The following DSCAML1 variants were observed in gnomAD, a reference collection of about 807,000 sequenced individuals.
DSCAML1 encodes DS cell adhesion molecule like 1.
A neutral mutation model predicts 200.5 loss-of-function variants in DSCAML1; 38 were observed. The observed-to-expected ratio is 0.19, with a 90% CI of 0.15 to 0.25. The LOEUF (loss-of-function observed/expected upper bound fraction) is 0.25. Among genes scored for constraint, DSCAML1 ranks in the 10% least tolerant of loss-of-function variants. DSCAML1 has a pLI of 1.00. For missense variants in DSCAML1, 2,223 were observed against 2,858.8 expected (o/e 0.78, Z 5.07); for synonymous variants, 1,215 against 1,165.0 (o/e 1.04, Z -0.87).
intron 3 of DSCAML1, among the ~76,000 whole-genome samples, chr11:117,549,354 G>T (rs192358521): frequency 1.3e-5 from 2 of 152,196 alleles, no homozygotes; most frequent in African/African-American, 2.4e-5. Flanking sequence ...CAACACCTTC[G>T]AGATGGTGCT....
chr11:117,769,209 T>C (rs1463871873), intron 3 of DSCAML1, among the ~76,000 whole-genome samples: 327 of 22,996 alleles, frequency 0.014, 1 homozygote, highest in Admixed American at 0.037. Context: ...ATATATTATA[T>C]ATTTTATATA....
chr11:117,590,391 C>T (rs2051236528), intron 3 of DSCAML1, among the ~76,000 whole-genome samples: 1 of 151,248 alleles, frequency 6.6e-6, no homozygotes, highest in Non-Finnish European at 1.5e-5. Context: ...AAAACTTGTC[C>T]ATGCACCACC....
At chr11:117,653,559 T>C (rs2052674313) in intron 3 of DSCAML1, among the ~76,000 whole-genome samples, 1 of 152,102 alleles carries the variant, frequency 6.6e-6, no homozygotes, top group South Asian at 2.1e-4. Flanking sequence ...AGAGGACCAA[T>C]GTGGGAGAGG....
intron 1 of DSCAML1, among the ~76,000 whole-genome samples, chr11:117,785,856 G>T (rs1357893792): frequency 6.6e-6 from 1 of 152,126 alleles, no homozygotes; most frequent in East Asian, 1.9e-4. Flanking sequence ...TCATTTTAAG[G>T]GTGAGGAAAA....
intron 1 of DSCAML1, among the ~76,000 whole-genome samples, chr11:117,813,520 A>G (rs1305295659): frequency 6.6e-6 from 1 of 152,230 alleles, no homozygotes; most frequent in African/African-American, 2.4e-5. Context: ...TGGCAGGACT[A>G]TGCTGAATCT....
At chr11:117,478,902 C>T (rs664657) in intron 14 of DSCAML1, among the ~76,000 whole-genome samples, 9,261 of 152,280 alleles carry the variant, frequency 0.061, 420 homozygotes, top group East Asian at 0.11. Context: ...TGTAGCCCTC[C>T]TGCACTCAGA....
chr11:117,722,381 G>C (rs1007314877), intron 3 of DSCAML1, among the ~76,000 whole-genome samples: 1 of 151,996 alleles, frequency 6.6e-6, no homozygotes, highest in Non-Finnish European at 1.5e-5. Flanking sequence ...GGAAAGATAA[G>C]GGGGAGGGGA....
Position 117,428,178 on chromosome 11 carries a change from T to G in DSCAML1, c.*150A>C, listed in dbSNP as rs540826204. On this transcript the variant is annotated 3_prime_UTR_variant, in exon 33 of 33. Coordinates refer to ENST00000651296, the MANE Select transcript of DSCAML1 (RefSeq NM_020693.4). Reference sequence around the variant, plus strand: ...GTTTCATTTGTACAAAAGAGTTCTATGTACAGGCGTTCATGATTGGGGGTT... The same window carrying G: ...GTTTCATTTGTACAAAAGAGTTCTAGGTACAGGCGTTCATGATTGGGGGTT... 4.3e-5 allele frequency: 26 copies of G among 599,618 alleles called. No homozygotes were observed. Among genetic ancestry groups the G allele is most frequent in the Non-Finnish European group, 7.2e-5 (24 of 334,090 alleles). 37.1% of individuals were successfully genotyped at this position (599,618 alleles called of 1,614,324 possible).
chr11:117,564,495 C>G (rs1273552841), intron 3 of DSCAML1, among the ~76,000 whole-genome samples: 1 of 152,192 alleles, frequency 6.6e-6, no homozygotes, highest in Non-Finnish European at 1.5e-5. Flanking sequence ...TGCAGCTGCT[C>G]TGGCTTCTTT....
intron 14 of DSCAML1, among the ~76,000 whole-genome samples, chr11:117,472,412 G>A (rs1335870078): frequency 6.6e-6 from 1 of 152,192 alleles, no homozygotes; most frequent in Admixed American, 6.5e-5. Flanking sequence ...GTCTAACAGT[G>A]AGACACCCCA....
intron 3 of DSCAML1, among the ~76,000 whole-genome samples, chr11:117,735,832 T>C (rs888860432): frequency 4.6e-5 from 7 of 152,068 alleles, no homozygotes; most frequent in African/African-American, 7.3e-5. Context: ...CCAGGGCTCC[T>C]GGAAAGGGGC....
chr11:117,803,340 A>G (rs1047743437), intron 1 of DSCAML1, among the ~76,000 whole-genome samples: 1 of 152,192 alleles, frequency 6.6e-6, no homozygotes. Context: ...AGCTGTGAGC[A>G]GAAGTAACGT....
intron 15 of DSCAML1, among the ~76,000 whole-genome samples, chr11:117,470,596 G>T (rs2048666963): frequency 6.6e-6 from 1 of 152,202 alleles, no homozygotes; most frequent in Admixed American, 6.5e-5. Flanking sequence ...AAAGGTAGAA[G>T]TATTTGCCTG....
intron 8 of DSCAML1, among the ~76,000 whole-genome samples, chr11:117,514,861 C>A (rs1046089005): frequency 6.6e-6 from 1 of 152,228 alleles, no homozygotes; most frequent in African/African-American, 2.4e-5. Context: ...GGATTACAGG[C>A]GTGGGCCACT....
upstream of DSCAML1, among the ~76,000 whole-genome samples, chr11:117,800,312 C>T (rs544297301): frequency 3.8e-3 from 583 of 152,330 alleles, 4 homozygotes; most frequent in Non-Finnish European, 4.9e-3. Context: ...CCACCTTAAA[C>T]CCTGACAGTC....
intron 11 of DSCAML1, among the ~76,000 whole-genome samples, chr11:117,499,415 T>C (rs908206395): frequency 1.1e-4 from 16 of 152,152 alleles, no homozygotes; most frequent in African/African-American, 3.6e-4. Context: ...GGCCTCTCAC[T>C]GTATGGATGA....
intron 11 of DSCAML1, among the ~76,000 whole-genome samples, chr11:117,490,755 C>A (rs947441111): frequency 2.0e-5 from 3 of 152,226 alleles, no homozygotes; most frequent in African/African-American, 7.2e-5. Context: ...TGACAACTGG[C>A]CAGCTCCTTT....
chr11:117,753,499 G>A (rs2054635297), intron 3 of DSCAML1, among the ~76,000 whole-genome samples: 1 of 152,216 alleles, frequency 6.6e-6, no homozygotes, highest in Admixed American at 6.5e-5. Flanking sequence ...AAAAGGAGAA[G>A]TTAAGCACCC....
chr11:117,606,064 G>A (rs1335301491), intron 3 of DSCAML1, among the ~76,000 whole-genome samples: 2 of 152,122 alleles, frequency 1.3e-5, no homozygotes, highest in African/African-American at 4.8e-5. Flanking sequence ...GCAGGGGGCT[G>A]AGCTTCACTT....
Sources: allele counts gnomAD v4.1 joint callset (sites outside exome capture counted in the v4.1 genomes callset), GRCh38; gene constraint gnomAD v4.1.1; transcripts MANE v1.5; gene names NCBI Gene and HGNC (gene_info 2026-07-23, HGNC 2026-07-21).